USP53: variants seen among roughly 807,000 people sequenced by gnomAD.
The protein encoded by USP53 is ubiquitin specific peptidase 53, also known as ubiquitin carboxyl-terminal hydrolase 53.
Under a neutral mutation model 94.9 loss-of-function variants are expected in USP53, and 71 were observed. The ratio of observed to expected loss-of-function variants is 0.75; its 90% confidence interval spans 0.62 to 0.91. The LOEUF (loss-of-function observed/expected upper bound fraction) is 0.91. USP53 is among the 40% of genes least tolerant of loss of function. USP53 has a pLI of 0.00. For synonymous variants in USP53, 375 were observed against 422.7 expected, an observed-to-expected ratio of 0.89 and a Z score of 1.39; for missense variants, 1,173 against 1,281.0, an observed-to-expected ratio of 0.92 and a Z score of 1.29.
chr4:119,291,148 A>ACCCC lies in USP53; in HGVS notation c.2252-16_2252-13dup. 2.5e-6 allele frequency: 1 copy of ACCCC among 397,600 alleles called. No individual in the cohort carries two copies. Among genetic ancestry groups the ACCCC allele is most frequent in the Non-Finnish European group, 4.6e-6 (1 of 217,728 alleles). 24.6% of individuals were successfully genotyped at this position (397,600 alleles called of 1,614,324 possible). Reference sequence around the variant, plus strand: ...TTTGTTTTCCTCATCTCTTCTCCCCACCCCACCCAACCCTAGGCTTTAGAA... The same window carrying ACCCC: ...TTTGTTTTCCTCATCTCTTCTCCCCACCCCCCCCACCCAACCCTAGGCTTTAGAA... On this transcript the variant is annotated splice_polypyrimidine_tract_variant and intron_variant, in intron 17 of 18. Transcript: ENST00000692078.
chr4:119,250,377 TA>T (rs1297106114), intron 7 of USP53, among the ~76,000 whole-genome samples: 2 of 152,208 alleles, frequency 1.3e-5, no homozygotes, highest in South Asian at 4.1e-4. Context: ...TTTATATTAT[TA>T]ATCACCTTTT....
At chr4:119,245,196 A>C (rs1748061128) in intron 5 of USP53, 141 bp from the exon 6 acceptor site, 1 of 660,586 alleles carries the variant, frequency 1.5e-6, no homozygotes, top group Non-Finnish European at 2.6e-6. Context: ...TCCAGTGGTT[A>C]TGTGTGTCTG....
At chr4:119,272,616 A>G (rs1385845983) in intron 16 of USP53, 1 of 152,162 alleles carries the variant, frequency 6.6e-6, no homozygotes, top group Admixed American at 6.6e-5. Context: ...TCCCCAGGCT[A>G]CTCTTGAACT....
chr4:119,292,310 T>C (rs765987541), intron 18 of USP53, 28 bp from the exon 19 acceptor site: 4 of 1,537,886 alleles, frequency 2.6e-6, no homozygotes, highest in East Asian at 2.3e-5. Context: ...TAGGGTGTTC[T>C]AGCTTTGTTT....
intron 4 of USP53, among the ~76,000 whole-genome samples, chr4:119,235,818 A>G (rs1258753090): frequency 6.6e-6 from 1 of 152,108 alleles, no homozygotes; most frequent in African/African-American, 2.4e-5. Context: ...CTTTGTGCAA[A>G]TGTAACCTCA....
At chr4:119,212,641 T>C (rs981810471), upstream of USP53, 6 of 366,208 alleles carry the variant, frequency 1.6e-5, no homozygotes, top group Admixed American at 1.4e-4. Flanking sequence ...GGTCCCTGGG[T>C]ATTGGGGCGT....
At chr4:119,247,075 G>A (rs1748351905) in intron 6 of USP53, among the ~76,000 whole-genome samples, 1 of 151,750 alleles carries the variant, frequency 6.6e-6, no homozygotes, top group Non-Finnish European at 1.5e-5. Context: ...GTTATTGTTA[G>A]GACATGAAGA....
intron 17 of USP53, among the ~76,000 whole-genome samples, chr4:119,286,719 T>C (rs904682574): frequency 6.6e-6 from 1 of 152,080 alleles, no homozygotes; most frequent in Non-Finnish European, 1.5e-5. Flanking sequence ...TGGCTAATAA[T>C]ATGAAGTTAA....
intron 7 of USP53, among the ~76,000 whole-genome samples, chr4:119,255,082 A>T (rs1041651654): frequency 1.3e-5 from 2 of 151,958 alleles, no homozygotes; most frequent in Non-Finnish European, 2.9e-5. Context: ...TTGCTGCCTG[A>T]TCCTTCCTCT....
intron 17 of USP53, among the ~76,000 whole-genome samples, chr4:119,281,066 CT>C (rs1277973580): frequency 1.3e-5 from 2 of 152,134 alleles, no homozygotes. Flanking sequence ...GATAAAGAGC[CT>C]TCTGGAAAAG....
At chr4:119,269,953 ATAAATATATAAGT>A (rs1751642573) in intron 15 of USP53, 116 bp downstream of exon 15, 1 of 398,132 alleles carries the variant, frequency 2.5e-6, no homozygotes, top group East Asian at 1.0e-4. Context: ...TTAAAAATAC[ATAAATATATAAGT>A]TAAATATATA....
chr4:119,279,822 G>T (rs1046834414), intron 17 of USP53, among the ~76,000 whole-genome samples: 2 of 152,148 alleles, frequency 1.3e-5, no homozygotes, highest in African/African-American at 2.4e-5. Flanking sequence ...TTTTTAAGCC[G>T]GTCCGAAAAG....
intron 17 of USP53, among the ~76,000 whole-genome samples, chr4:119,281,370 A>C (rs1194023201): frequency 6.6e-6 from 1 of 152,186 alleles, no homozygotes; most frequent in African/African-American, 2.4e-5. Flanking sequence ...GCAAATTTTA[A>C]AGTTTTTTAG....
chr4:119,239,553 G>A lies in USP53; in HGVS notation c.-207G>A. ...AAATAGCTTTCTTTTTTAGTGCTTA[G>A]AACTTCAATGTTTATGCACCCTATT... On this transcript the variant is annotated 5_prime_UTR_variant, in exon 5 of 19. Coordinates refer to ENST00000692078, the MANE Select transcript of USP53 (RefSeq NM_001371395.1). 2.0e-6 allele frequency: 1 copy of A among 509,500 alleles called. No individual in the cohort carries two copies. The highest frequency in any genetic ancestry group is 3.3e-6 in the Non-Finnish European group (1 of 306,728). 31.6% of individuals were successfully genotyped at this position (509,500 alleles called of 1,614,324 possible).
intron 3 of USP53, among the ~76,000 whole-genome samples, chr4:119,223,138 A>G (rs1744773739): frequency 6.6e-6 from 1 of 152,242 alleles, no homozygotes; most frequent in African/African-American, 2.4e-5. Context: ...TAGTGAGATA[A>G]GCTGAGCATG....
In USP53 at chr4:119,294,659, A is replaced by T. The variant is rs2149492391; in HGVS notation, c.*1448A>T. 1 of 152,236 alleles carries T rather than the reference A, an allele frequency of 6.6e-6. No individual in the cohort carries two copies. Among genetic ancestry groups the T allele is most frequent in the South Asian group, 2.1e-4 (1 of 4,832 alleles). The allele number at this position is 152,236 out of a possible 1,614,324, so 9.4% of individuals were successfully genotyped here. ...CTTGACTGATTGCGTAAATCGTGTT[A>T]AAACATTCTAAAATGTTGTAACTAA... On this transcript the variant is annotated 3_prime_UTR_variant, in exon 19 of 19. Coordinates refer to ENST00000692078, the MANE Select transcript of USP53 (RefSeq NM_001371395.1).
At chr4:119,279,842 C>T (rs1056925903) in intron 17 of USP53, among the ~76,000 whole-genome samples, 1 of 152,182 alleles carries the variant, frequency 6.6e-6, no homozygotes, top group Admixed American at 6.5e-5. Flanking sequence ...GCGCAATATT[C>T]GGGTGGGAGT....
Position 119,239,425 on chromosome 4 carries a change from C to A in USP53, c.-335C>A, listed in dbSNP as rs1747229699. On this transcript the variant is annotated 5_prime_UTR_variant, in exon 5 of 19. Transcript: ENST00000692078. ...GGCTTATGCATTAAAGGGGATGATT[C>A]GTTCATCAGTATTTTTAGCCATTAA... 3.6e-6 allele frequency: 1 copy of A among 281,506 alleles called. No homozygotes were observed. Among genetic ancestry groups the A allele is most frequent in the African/African-American group, 2.2e-5 (1 of 46,180 alleles). The allele number at this position is 281,506 out of a possible 1,614,324, so 17.4% of individuals were successfully genotyped here. A position where few individuals can be genotyped will look rare whatever the true frequency, so the allele number is the denominator to read the frequency against.
At chr4:119,223,085 A>G (rs1165723460) in intron 3 of USP53, among the ~76,000 whole-genome samples, 2 of 152,220 alleles carry the variant, frequency 1.3e-5, no homozygotes, top group Non-Finnish European at 2.9e-5. Flanking sequence ...TTGAGAAATA[A>G]CTAAAACCTA....
Sources: allele counts gnomAD v4.1 joint callset (sites outside exome capture counted in the v4.1 genomes callset), GRCh38; gene constraint gnomAD v4.1.1; transcripts MANE v1.5; gene names NCBI Gene and HGNC (gene_info 2026-07-23, HGNC 2026-07-21).